The following CALN1 variants were observed in gnomAD, a reference collection of about 807,000 sequenced individuals.
CALN1 encodes the protein calcium-binding protein 8.
A neutral mutation model predicts 30.6 loss-of-function variants in CALN1; 17 were observed. That is an observed-to-expected ratio of 0.56 (90% confidence interval 0.38 to 0.83). The LOEUF is 0.83. CALN1 is among the 40% of genes least tolerant of loss of function. The pLI is 0.00. For synonymous variants in CALN1, 156 were observed against 131.4 expected (o/e 1.19, Z -1.28); for missense variants, 291 against 354.9 (o/e 0.82, Z 1.45).
intron 5 of CALN1, among the ~76,000 whole-genome samples, chr7:71,893,027 AG>A (rs1428347675): frequency 4.6e-5 from 7 of 152,218 alleles, no homozygotes; most frequent in African/African-American, 1.7e-4. Flanking sequence ...GCCAATAAAA[AG>A]GTTCTGTTTA....
chr7:72,138,393 T>C (rs1233066323), intron 3 of CALN1, among the ~76,000 whole-genome samples: 1 of 152,186 alleles, frequency 6.6e-6, no homozygotes, highest in Non-Finnish European at 1.5e-5. Flanking sequence ...CGAATACAAG[T>C]GTTCTCTCCA....
chr7:72,304,116 G>A (rs553507903), intron 2 of CALN1, among the ~76,000 whole-genome samples: 85 of 152,288 alleles, frequency 5.6e-4, no homozygotes, highest in South Asian at 1.2e-3. Context: ...GCCCTCCCCC[G>A]AAACCACCGT....
chr7:72,097,581 G>A (rs1211081981), intron 4 of CALN1, among the ~76,000 whole-genome samples: 1 of 150,694 alleles, frequency 6.6e-6, no homozygotes, highest in Non-Finnish European at 1.5e-5. Flanking sequence ...GCGGAGGTGG[G>A]AGAATCACTT....
At position 72,028,237 on chromosome 7, in the gene CALN1, A is replaced by T. The variant is rs79432666; in HGVS notation, c.389-4468T>A. Among the ~76,000 whole-genome samples the T allele has an allele frequency of 4.0e-3, 614 of 151,812 alleles. 5 individuals are homozygous for T. The highest frequency in any genetic ancestry group is 0.014 in the Middle Eastern group (4 of 294). On this transcript the variant is annotated intron_variant, in intron 4 of 6. Transcript: ENST00000395275. ...CAGGAGAACGAGGCTGTCTTTGAACAGTGCACCTTCAAGGTAGCAAGAGGA... is the reference window on the plus strand; with the variant it reads ...CAGGAGAACGAGGCTGTCTTTGAACTGTGCACCTTCAAGGTAGCAAGAGGA...
chr7:72,109,092 T>C (rs1343899199), intron 3 of CALN1, among the ~76,000 whole-genome samples: 1 of 152,136 alleles, frequency 6.6e-6, no homozygotes, highest in Non-Finnish European at 1.5e-5. Flanking sequence ...CCCGCCCACA[T>C]TGTAGGAGGC....
chr7:72,193,544 G>T lies in CALN1; in HGVS notation c.244+85142C>A, dbSNP rs188000251. 3.9e-5 allele frequency among the ~76,000 whole-genome samples: 6 copies of T among 152,242 alleles called. No homozygotes were observed. In the East Asian group the frequency reaches 1.2e-3, roughly 29 times the overall value. Reference sequence around the variant, plus strand: ...ATTTTGTGGTCATGCAAATATCATAGTCTACTTACAGAAACCTAGATGGCC... The same window carrying T: ...ATTTTGTGGTCATGCAAATATCATATTCTACTTACAGAAACCTAGATGGCC... On this transcript the variant is annotated intron_variant, in intron 3 of 6. Coordinates refer to ENST00000395275, the MANE Select transcript of CALN1 (RefSeq NM_031468.4).
chr7:71,846,039 C>T lies in CALN1; in HGVS notation c.502-35547G>A, dbSNP rs181412010. 8.2e-3 allele frequency among the ~76,000 whole-genome samples: 1,240 copies of T among 152,076 alleles called. 20 individuals carry two copies. The highest frequency in any genetic ancestry group is 0.028 in the African/African-American group (1,170 of 41,484). On this transcript the variant is annotated intron_variant, in intron 5 of 6. Coordinates refer to ENST00000395275, the MANE Select transcript of CALN1 (RefSeq NM_031468.4). ...CTGCACTCTAGCCTGGGGGACAGAG[C>T]CAAACTCGGTCTCCAAAAAAATAAA...
chr7:71,997,909 C>T (rs906414827), intron 5 of CALN1, among the ~76,000 whole-genome samples: 1 of 152,140 alleles, frequency 6.6e-6, no homozygotes, highest in Admixed American at 6.5e-5. Flanking sequence ...CAAACTCTGC[C>T]TCCAGGGTTC....
At chr7:72,184,326 G>A (rs1017217226) in intron 3 of CALN1, among the ~76,000 whole-genome samples, 2 of 152,180 alleles carry the variant, frequency 1.3e-5, no homozygotes, top group African/African-American at 2.4e-5. Flanking sequence ...ATTGTGTAAT[G>A]CCTCCATGCC....
the CALN1 span, among the ~76,000 whole-genome samples, chr7:72,483,321 G>A: frequency 1.8e-5 from 2 of 112,310 alleles, no homozygotes; most frequent in East Asian, 6.0e-4. Context: ...GGCTTGCTCT[G>A]TTGCCGAAGC....
rs867073303 is a variant in CALN1, at chr7:71,820,333, T to C, written c.502-9841A>G. Reference sequence around the variant, plus strand: ...CTTTTTAGACTGAACCAATGTCATCTTATGTGTATTGACATTTTACATCTC... The same window carrying C: ...CTTTTTAGACTGAACCAATGTCATCCTATGTGTATTGACATTTTACATCTC... On this transcript the variant is annotated intron_variant, in intron 5 of 6. Coordinates refer to ENST00000395275, the MANE Select transcript of CALN1 (RefSeq NM_031468.4). Among the ~76,000 whole-genome samples the C allele has an allele frequency of 2.0e-5, 3 of 152,220 alleles. No individual in the cohort carries two copies. The South Asian group carries it at 6.2e-4, about 32-fold the overall frequency.
rs923965167 is a variant in CALN1, at chr7:72,000,005, G to A, written c.501+23652C>T. 1.2e-4 allele frequency among the ~76,000 whole-genome samples: 18 copies of A among 152,090 alleles called. No individual in the cohort carries two copies. In the East Asian group the frequency reaches 1.9e-3, roughly 16 times the overall value. On this transcript the variant is annotated intron_variant, in intron 5 of 6. Transcript: ENST00000395275. Reference sequence around the variant, plus strand: ...TAAATACCTGGAAAATTAATAACACGCTGCTGAACTCAAGGTTCAAAGAAG... The same window carrying A: ...TAAATACCTGGAAAATTAATAACACACTGCTGAACTCAAGGTTCAAAGAAG...
At chr7:72,338,212 C>A (rs1585533942) in intron 2 of CALN1, among the ~76,000 whole-genome samples, 1 of 152,112 alleles carries the variant, frequency 6.6e-6, no homozygotes, top group Non-Finnish European at 1.5e-5. Context: ...CCAAAGCAGG[C>A]TAGTCCTTCC....
intron 5 of CALN1, among the ~76,000 whole-genome samples, chr7:72,020,150 C>G (rs113195866): frequency 6.6e-6 from 1 of 152,092 alleles, no homozygotes; most frequent in Admixed American, 6.6e-5. Context: ...GCCTCAAACT[C>G]CTGGCCTCAA....
At chr7:72,219,177 T>G (rs946847352) in intron 3 of CALN1, among the ~76,000 whole-genome samples, 2 of 152,142 alleles carry the variant, frequency 1.3e-5, no homozygotes, top group Admixed American at 1.3e-4. Context: ...AGAGGAAAAA[T>G]TCTTCCCTAG....
chr7:72,372,606 G>A (rs1424489929), intron 2 of CALN1, among the ~76,000 whole-genome samples: 1 of 152,124 alleles, frequency 6.6e-6, no homozygotes, highest in Non-Finnish European at 1.5e-5. Flanking sequence ...GAACAATGGA[G>A]TAGACAATAG....
rs112570522 is a variant in CALN1 at position 72,356,210 on chromosome 7, G to A, written c.119+47041C>T. ...ATAGTGAGCTATTCAGACAGAAAAA[G>A]ATATGGTTTCAAATGGAGGAACAGA... On this transcript the variant is annotated intron_variant, in intron 2 of 6. Transcript: ENST00000395275. Among the ~76,000 whole-genome samples, 755 of 152,164 alleles carry A rather than the reference G, an allele frequency of 5.0e-3. 15 individuals carry two copies. Among genetic ancestry groups the A allele is most frequent in the African/African-American group, 0.017 (715 of 41,456 alleles).
intron 2 of CALN1, among the ~76,000 whole-genome samples, chr7:72,339,437 T>C (rs549726254): frequency 3.9e-5 from 6 of 152,100 alleles, no homozygotes; most frequent in African/African-American, 9.7e-5. Context: ...TACCCCAGCA[T>C]GAAAACACAG....
intron 3 of CALN1, among the ~76,000 whole-genome samples, chr7:72,132,766 G>A (rs561820797): frequency 2.0e-5 from 3 of 152,164 alleles, no homozygotes; most frequent in East Asian, 1.9e-4. Context: ...CATGCAAGAC[G>A]GCTCTCTCCA....
Sources: allele counts gnomAD v4.1 joint callset (sites outside exome capture counted in the v4.1 genomes callset), GRCh38; gene constraint gnomAD v4.1.1; transcripts MANE v1.5; gene names NCBI Gene and HGNC (gene_info 2026-07-23, HGNC 2026-07-21).